AVIL: variants seen among roughly 807,000 people sequenced by gnomAD.
AVIL encodes advillin.
Under a neutral mutation model 109.9 loss-of-function variants are expected in AVIL, and 78 were observed. That is an observed-to-expected ratio of 0.71 (90% confidence interval 0.59 to 0.86). The LOEUF (loss-of-function observed/expected upper bound fraction) is 0.86, where lower values mean the gene tolerates loss of function less well. Among genes scored for constraint, AVIL ranks in the 40% least tolerant of loss-of-function variants. AVIL has a pLI of 0.00. For synonymous variants in AVIL, 367 were observed against 379.1 expected (o/e 0.97, Z 0.37); for missense variants, 892 against 1,016.5 (o/e 0.88, Z 1.67).
Position 57,797,857 on chromosome 12 carries a change from T to C in AVIL, c.*25A>G. ...CACTATCTGCTCTTTTCTGTGGCCT[T>C]GCAATAGGTATAGGCCTTCTTGCTT... is the stretch of plus-strand genomic sequence containing the variant. On this transcript the variant is annotated 3_prime_UTR_variant, in exon 20 of 20. Transcript: ENST00000549994. 6.6e-7 allele frequency: 1 copy of C among 1,520,792 alleles called. No homozygotes were observed. The allele number at this position is 1,520,792 out of a possible 1,614,324, so 94.2% of individuals were successfully genotyped here. A position where few individuals can be genotyped will look rare whatever the true frequency, so the allele number is the denominator to read the frequency against.
chr12:57,814,055 G>T, intron 3 of AVIL, 97 bp downstream of exon 3: 1 of 1,307,654 alleles, frequency 7.6e-7, no homozygotes, highest in East Asian at 2.5e-5. Flanking sequence ...ACCGATACCA[G>T]GGACTGACTA....
rs1825476995 is a variant in AVIL at position 57,808,084 on chromosome 12, A to G, written c.1194+110T>C. On this transcript the variant is annotated intron_variant, in intron 11 of 19. Coordinates refer to ENST00000549994, the MANE Select transcript of AVIL (RefSeq NM_006576.4). ...TTAAAGAAGACTCCTGAGGTGCCGG[A>G]GGGGAAAGGGAAAGCAAAGCAGACA... is the stretch of plus-strand genomic sequence containing the variant. The G allele has an allele frequency of 3.9e-6, 5 of 1,270,386 alleles. No individual in the cohort carries two copies. The South Asian group carries it at 6.1e-5, about 16-fold the overall frequency. The allele number at this position is 1,270,386 out of a possible 1,614,324, so 78.7% of individuals were successfully genotyped here.
intron 7 of AVIL, 45 bp downstream of exon 7, chr12:57,810,303 TC>T (rs771424813): frequency 6.3e-7 from 1 of 1,577,602 alleles, no homozygotes. Flanking sequence ...GGGGACACCT[TC>T]CCCCCAACCC....
At chr12:57,809,245 C>T in intron 9 of AVIL, 1 of 253,274 alleles carries the variant, frequency 3.9e-6, no homozygotes. Flanking sequence ...GGTGATCCAC[C>T]TGCCTCGGCC....
At chr12:57,804,682 GC>G (rs1955914943) in intron 14 of AVIL, among the ~76,000 whole-genome samples, 1 of 151,986 alleles carries the variant, frequency 6.6e-6, no homozygotes, top group African/African-American at 2.4e-5. Flanking sequence ...GGTGGCACAC[GC>G]CTGTAATCCC....
At chr12:57,799,693 C>T (rs999531556) in intron 19 of AVIL, 102 bp downstream of exon 19, 54 of 1,509,426 alleles carry the variant, frequency 3.6e-5, no homozygotes, top group Non-Finnish European at 3.3e-5. Context: ...GTCCATTGAG[C>T]GGCTACAATG....
chr12:57,800,053 G>A, intron 18 of AVIL, 133 bp from the exon 19 acceptor site: 1 of 1,228,710 alleles, frequency 8.1e-7, no homozygotes, highest in East Asian at 2.4e-5. Flanking sequence ...TGATAACAAT[G>A]CTCCCCAAAC....
At chr12:57,813,115 T>C in intron 4 of AVIL, 112 bp downstream of exon 4, 1 of 1,304,916 alleles carries the variant, frequency 7.7e-7, no homozygotes, top group Non-Finnish European at 1.1e-6. Context: ...AGTGACAGCT[T>C]TGTTTTGATT....
At chr12:57,809,212 C>A (rs553669632) in intron 9 of AVIL, 21 of 201,084 alleles carry the variant, frequency 1.0e-4, no homozygotes, top group Admixed American at 1.0e-3. Flanking sequence ...TGTTGGCAGG[C>A]TGGTCTTGAA....
In AVIL at chr12:57,806,455, T is replaced by G; in HGVS notation, c.1576A>C (p.Lys526Gln). 6.2e-7 allele frequency: 1 copy of G among 1,614,132 alleles called. No homozygotes were observed. The highest frequency in any genetic ancestry group is 8.5e-7 in the Non-Finnish European group (1 of 1,180,014). Residue 526 changes from lysine (K) to glutamine (Q), a missense_variant, in exon 14 of 20, where the codon AAA (lysine) becomes CAA (glutamine). Transcript: ENST00000549994. ...QIHGNDKSNT[K>Q]AVEVPAFASS... ...GCAAAGGCTGGAACTTCCACTGCTT[T>G]GGTGTTAGATTTGTCATTTCCATGA... is the stretch of plus-strand genomic sequence containing the variant.
At chr12:57,809,545 A>G in intron 9 of AVIL, 52 bp downstream of exon 9, 1 of 1,592,260 alleles carries the variant, frequency 6.3e-7, no homozygotes, top group Non-Finnish European at 8.6e-7. Context: ...GACACACCTG[A>G]AGTGCTCTTA....
At chr12:57,816,328 C>T in intron 1 of AVIL, 1 of 364,608 alleles carries the variant, frequency 2.7e-6, no homozygotes, top group Non-Finnish European at 5.0e-6. Context: ...GGTTATTTAC[C>T]AAAGGGGTGA....
chr12:57,799,820 T>A lies in AVIL; in HGVS notation c.2321A>T (p.Glu774Val). Residue 774 changes from glutamate to valine, a missense_variant, in exon 19 of 20, where the codon GAG (glutamate) becomes GTG (valine). Transcript: ENST00000549994. Reference sequence around the variant, plus strand: ...CTCCTTTTTGGCAGGGTTTACATCCTCAGGCAGCTCCTGATTCTGGTTTTT... The same window carrying A: ...CTCCTTTTTGGCAGGGTTTACATCCACAGGCAGCTCCTGATTCTGGTTTTT... ...LLKNQNQELP[E>V]DVNPAKKENY... 2.5e-6 allele frequency: 4 copies of A among 1,614,146 alleles called. No individual in the cohort carries two copies. The highest frequency in any genetic ancestry group is 3.4e-6 in the Non-Finnish European group (4 of 1,180,024).
At chr12:57,801,744 AAAAG>A (rs1286995552) in intron 17 of AVIL, among the ~76,000 whole-genome samples, 4 of 152,194 alleles carry the variant, frequency 2.6e-5, no homozygotes, top group Non-Finnish European at 5.9e-5. Context: ...CTGTCTCAAA[AAAAG>A]AAAAAAAAAA....
At position 57,813,329 on chromosome 12, in the gene AVIL, G is replaced by GTATA. The variant is rs753046641; in HGVS notation, c.232_235dup (p.Thr79IlefsTer23). The GTATA allele has an allele frequency of 6.2e-7, 1 of 1,614,110 alleles. No individual in the cohort carries two copies. Among genetic ancestry groups the GTATA allele is most frequent in the Admixed American group, 1.7e-5 (1 of 60,014 alleles). ...TCCCAGGTAGTCGTCCAGCTGTGTG[G>GTATA]TATATATGGCTGCGCAGCTTTGCTC... On this transcript the variant is annotated frameshift_variant, in exon 4 of 20. Transcript: ENST00000549994. LOFTEE classifies it high-confidence loss of function.
At chr12:57,811,252 A>AT in intron 4 of AVIL, 125 bp from the exon 5 acceptor site, 1 of 870,752 alleles carries the variant, frequency 1.1e-6, no homozygotes. Flanking sequence ...GTAAATACAG[A>AT]TGGTGGCAGC....
At chr12:57,805,596 C>T (rs1262091438) in intron 14 of AVIL, among the ~76,000 whole-genome samples, 2 of 150,698 alleles carry the variant, frequency 1.3e-5, no homozygotes, top group African/African-American at 2.4e-5. Flanking sequence ...TGCCATGGCG[C>T]GATCTCGGCT....
intron 16 of AVIL, chr12:57,802,807 TC>T (rs1302825787): frequency 7.0e-5 from 40 of 569,146 alleles, no homozygotes; most frequent in African/African-American, 6.7e-4. Flanking sequence ...CAACTTTACC[TC>T]CTAAGCATTT....
In AVIL at chr12:57,803,648, C is replaced by T; in HGVS notation, c.1693G>A (p.Ala565Thr). 1.9e-6 allele frequency: 3 copies of T among 1,614,090 alleles called. No individual in the cohort carries two copies. Among genetic ancestry groups the T allele is most frequent in the Non-Finnish European group, 1.7e-6 (2 of 1,180,028 alleles). Reference sequence around the variant, plus strand: ...AGGCTGGCCAGCTCCTTAGCCATTGCCCGCTCATCCCCACTAGACCCCTGA... The same window carrying T: ...AGGCTGGCCAGCTCCTTAGCCATTGTCCGCTCATCCCCACTAGACCCCTGA... ...YGKGSSGDER[A>T]MAKELASLLC... Residue 565 changes from alanine to threonine, a missense_variant, in exon 15 of 20, where the codon GCA (alanine) becomes ACA (threonine). Transcript: ENST00000549994.
Sources: allele counts gnomAD v4.1 joint callset (sites outside exome capture counted in the v4.1 genomes callset), GRCh38; gene constraint gnomAD v4.1.1; transcripts MANE v1.5; gene names NCBI Gene and HGNC (gene_info 2026-07-23, HGNC 2026-07-21).